The following FAAH2 variants were observed in gnomAD, a reference collection of about 807,000 sequenced individuals.
The protein encoded by FAAH2 is fatty acid amide hydrolase 2.
Under a neutral mutation model 36.9 loss-of-function variants are expected in FAAH2, and 60 were observed. That is an observed-to-expected ratio of 1.63 (90% CI 1.32 to 2.02). The LOEUF (loss-of-function observed/expected upper bound fraction) is 2.02, where lower values mean the gene tolerates loss of function less well. FAAH2 is among the 30% of genes most tolerant of loss of function. The pLI, the probability that FAAH2 is intolerant of heterozygous loss-of-function variation, is 0.00. For synonymous variants in FAAH2, 214 were observed against 143.8 expected (o/e 1.49, Z -3.49); for missense variants, 689 against 397.5 (o/e 1.73, Z -6.23).
At chrX:57,287,844 A>G (rs763128137) in intron 1 of FAAH2, among the ~76,000 whole-genome samples, 1 of 111,399 alleles carries the variant, frequency 9.0e-6, no homozygotes, top group South Asian at 3.8e-4. Context: ...CTACAATACT[A>G]CTTAACAAAG....
At chrX:57,365,829 C>T (rs1199414877) in intron 5 of FAAH2, among the ~76,000 whole-genome samples, 1 of 112,133 alleles carries the variant, frequency 8.9e-6, no homozygotes, top group Non-Finnish European at 1.9e-5. Context: ...TTTTCCTCAG[C>T]TTGGTCTGTT....
chrX:57,224,102 G>T, the FAAH2 span, among the ~76,000 whole-genome samples: 1 of 111,147 alleles, frequency 9.0e-6, no homozygotes, highest in Non-Finnish European at 1.9e-5. Context: ...TTGTCTTGGG[G>T]TCTCCACCCT....
At chrX:57,205,478 G>T in the FAAH2 span, among the ~76,000 whole-genome samples, 4 of 112,286 alleles carry the variant, frequency 3.6e-5, no homozygotes, top group Non-Finnish European at 7.5e-5. Flanking sequence ...TCATCTGTAT[G>T]AAATCATAAC....
At chrX:57,393,519 C>T (rs778057265) in intron 7 of FAAH2, 52 of 961,043 alleles carry the variant, frequency 5.4e-5, no homozygotes, top group South Asian at 3.1e-4. Flanking sequence ...TTGCCGTGTG[C>T]GATGATGGCA....
chrX:57,251,580 T>C, the FAAH2 span, among the ~76,000 whole-genome samples: 1 of 111,921 alleles, frequency 8.9e-6, no homozygotes, highest in Non-Finnish European at 1.9e-5. Context: ...GGTGACATGA[T>C]CTTATATACA....
At chrX:57,266,111 C>A in the FAAH2 span, among the ~76,000 whole-genome samples, 52 of 111,763 alleles carry the variant, frequency 4.7e-4, no homozygotes, top group African/African-American at 1.5e-3. Context: ...AAAACATGGC[C>A]AGACTACTTT....
At chrX:57,345,255 T>A (rs2053791445) in intron 5 of FAAH2, among the ~76,000 whole-genome samples, 1 of 107,553 alleles carries the variant, frequency 9.3e-6, no homozygotes, top group African/African-American at 3.4e-5. Context: ...TGTGAATCCA[T>A]CTGGTCGATG....
At chrX:57,466,154 C>CTATATATATATATATA (rs1371319859) in intron 10 of FAAH2, among the ~76,000 whole-genome samples, 46 of 66,881 alleles carry the variant, frequency 6.9e-4, no homozygotes, top group South Asian at 9.1e-4. Flanking sequence ...CTCTCTCTCT[C>CTATATATATATATATA]TCTATATATA....
chrX:57,483,188 A>G (rs924801174), intron 10 of FAAH2, among the ~76,000 whole-genome samples: 3 of 111,459 alleles, frequency 2.7e-5, no homozygotes, highest in Non-Finnish European at 5.6e-5. Context: ...CATATTTCAC[A>G]AAGACTTTGT....
chrX:57,268,136 C>A, the FAAH2 span, among the ~76,000 whole-genome samples: 1 of 111,542 alleles, frequency 9.0e-6, no homozygotes, highest in Admixed American at 9.5e-5. Context: ...GACAAAATAG[C>A]CAGAATAGAG....
chrX:57,438,939 T>A, intron 8 of FAAH2, among the ~76,000 whole-genome samples: 1 of 110,733 alleles, frequency 9.0e-6, no homozygotes, highest in Non-Finnish European at 1.9e-5. Flanking sequence ...ACTCATCATT[T>A]TTTATGGCTG....
At chrX:57,488,449 C>G (rs192401366) in intron 10 of FAAH2, among the ~76,000 whole-genome samples, 50 of 111,296 alleles carry the variant, frequency 4.5e-4, no homozygotes, top group African/African-American at 1.5e-3. Flanking sequence ...GGCTATTATT[C>G]ACACTTTCTG....
intron 3 of FAAH2, among the ~76,000 whole-genome samples, chrX:57,314,358 A>G (rs777110689): frequency 9.0e-6 from 1 of 111,189 alleles, no homozygotes; most frequent in South Asian, 3.8e-4. Flanking sequence ...AAAGAAACTC[A>G]GGGCTTCACC....
chrX:57,479,719 G>A (rs2057342201), intron 10 of FAAH2, among the ~76,000 whole-genome samples: 1 of 111,397 alleles, frequency 9.0e-6, no homozygotes, highest in Non-Finnish European at 1.9e-5. Context: ...TTTGTCAAAG[G>A]CCTTTTCTGC....
intron 7 of FAAH2, chrX:57,392,902 C>CT (rs1226476858): frequency 2.4e-6 from 2 of 846,102 alleles, no homozygotes; most frequent in African/African-American, 3.9e-5. Context: ...TAGACTTCAG[C>CT]TTTGTGTTGA....
At chrX:57,301,409 C>A (rs1260442103) in intron 2 of FAAH2, among the ~76,000 whole-genome samples, 1 of 91,649 alleles carries the variant, frequency 1.1e-5, no homozygotes, top group South Asian at 5.4e-4. Flanking sequence ...GGGAATTGAA[C>A]AATGAGAACA....
chrX:57,318,241 A>G (rs1471527082), intron 3 of FAAH2, among the ~76,000 whole-genome samples: 1 of 111,759 alleles, frequency 8.9e-6, no homozygotes, highest in Non-Finnish European at 1.9e-5. Context: ...GGTTTTTTGA[A>G]AAGATTAACA....
the FAAH2 span, among the ~76,000 whole-genome samples, chrX:57,169,854 C>G: frequency 3.8e-5 from 4 of 106,440 alleles, no homozygotes; most frequent in Admixed American, 1.0e-4. Flanking sequence ...TAGCATCTCT[C>G]TCTCTCTCCT....
chrX:57,391,411 T>C (rs1489379997), intron 7 of FAAH2, among the ~76,000 whole-genome samples: 2 of 111,091 alleles, frequency 1.8e-5, no homozygotes, highest in Non-Finnish European at 3.8e-5. Flanking sequence ...AAGTTTTTTC[T>C]ATTTTTTTTT....
Sources: gnomAD v4.1 joint callset for allele counts (sites outside exome capture counted in the v4.1 genomes callset) on GRCh38, gnomAD v4.1.1 for gene constraint, MANE v1.5 for transcripts, NCBI Gene and HGNC (gene_info 2026-07-23, HGNC 2026-07-21) for gene names.